The following SAMD12 variants were observed in gnomAD, a reference collection of about 807,000 sequenced individuals.
The protein encoded by SAMD12 is sterile alpha motif domain-containing protein 12.
In SAMD12, 9 loss-of-function variants were observed where a neutral mutation model predicts 15.0. That is an observed-to-expected ratio of 0.60 (90% CI 0.36 to 1.05). SAMD12 has a LOEUF of 1.05. Ranked by LOEUF, SAMD12 falls within the 50% of genes least tolerant of loss-of-function variation. The probability of loss-of-function intolerance (pLI) is 0.01; values close to 1 mark genes in which losing one functional copy is unlikely to be tolerated. For synonymous variants in SAMD12, 86 were observed against 90.1 expected (o/e 0.96, Z 0.25); for missense variants, 230 against 234.2 (o/e 0.98, Z 0.12).
chr8:118,584,174 C>T (rs1477857267), intron 1 of SAMD12, among the ~76,000 whole-genome samples: 1 of 152,190 alleles, frequency 6.6e-6, no homozygotes, highest in Non-Finnish European at 1.5e-5. Flanking sequence ...TCCTCCATAG[C>T]TGTTCCTTCC....
chr8:118,562,996 G>A (rs952926437), intron 2 of SAMD12, among the ~76,000 whole-genome samples: 1 of 152,174 alleles, frequency 6.6e-6, no homozygotes, highest in African/African-American at 2.4e-5. Context: ...TATTTGAGGA[G>A]TGAAGTGAAA....
chr8:118,342,524 T>A (rs1410846256), intron 4 of SAMD12, among the ~76,000 whole-genome samples: 2 of 152,138 alleles, frequency 1.3e-5, no homozygotes, highest in African/African-American at 4.8e-5. Flanking sequence ...CAAATTACAG[T>A]CCGATAAAGA....
At chr8:118,509,364 C>A (rs915569252) in intron 2 of SAMD12, among the ~76,000 whole-genome samples, 1 of 152,152 alleles carries the variant, frequency 6.6e-6, no homozygotes, top group Non-Finnish European at 1.5e-5. Flanking sequence ...AGACAAGGTA[C>A]AGGTGGGCCA....
chr8:118,613,341 A>C (rs1301810366), intron 1 of SAMD12, among the ~76,000 whole-genome samples: 1 of 152,224 alleles, frequency 6.6e-6, no homozygotes, highest in African/African-American at 2.4e-5. Flanking sequence ...TTTATCTTGA[A>C]AAGAGAAAGG....
chr8:118,145,121 A>G, the SAMD12 span, among the ~76,000 whole-genome samples: 2 of 152,244 alleles, frequency 1.3e-5, no homozygotes, highest in African/African-American at 4.8e-5. Context: ...AGGCATAAGC[A>G]GTAATATTTA....
rs549975490 is a variant in SAMD12 at position 118,281,966 on chromosome 8, C to T, written c.434-84234G>A. ...AGACAGGGGCTGCATCCTTCAGGTGCTTTCTGCAGAAATGAGCTCAATAAC... is the reference window on the plus strand; with the variant it reads ...AGACAGGGGCTGCATCCTTCAGGTGTTTTCTGCAGAAATGAGCTCAATAAC... On this transcript the variant is annotated intron_variant, in intron 4 of 4. Transcript: ENST00000409003. Among the ~76,000 whole-genome samples, 4 of 152,298 alleles carry T rather than the reference C, an allele frequency of 2.6e-5. No homozygotes were observed. The South Asian group carries it at 8.3e-4, about 32-fold the overall frequency.
Position 118,618,027 on chromosome 8 carries a change from TG to T in SAMD12, c.13+3776del, listed in dbSNP as rs1174482219. Among the ~76,000 whole-genome samples the T allele has an allele frequency of 3.6e-3, 226 of 62,506 alleles. 1 individual carries two copies. The highest frequency in any genetic ancestry group is 0.011 in the African/African-American group (198 of 18,596). 41.0% of individuals were successfully genotyped at this position (62,506 alleles called of 152,430 possible). A position where few individuals can be genotyped will look rare whatever the true frequency, so the allele number is the denominator to read the frequency against. On this transcript the variant is annotated intron_variant, in intron 1 of 3. Transcript: ENST00000314727. ...AAATTATTTCACAAGACATTGTTTT[TG>T]TTTTTTTTTTTTTTAAAAAAAGGCA...
chr8:118,153,889 G>C, the SAMD12 span, among the ~76,000 whole-genome samples: 1 of 151,674 alleles, frequency 6.6e-6, no homozygotes, highest in African/African-American at 2.4e-5. Flanking sequence ...TCTTCATCCC[G>C]TCATCCAATT....
At chr8:118,207,599 T>G (rs1819896775) in intron 4 of SAMD12, among the ~76,000 whole-genome samples, 1 of 152,172 alleles carries the variant, frequency 6.6e-6, no homozygotes, top group Non-Finnish European at 1.5e-5. Context: ...GTTTTCTAAT[T>G]TCTCTCATTG....
intron 3 of SAMD12, among the ~76,000 whole-genome samples, chr8:118,418,047 G>T (rs1056834538): frequency 1.3e-5 from 2 of 151,980 alleles, no homozygotes; most frequent in Non-Finnish European, 2.9e-5. Flanking sequence ...TATTCTTTCT[G>T]CCCATCATCA....
intron 4 of SAMD12, among the ~76,000 whole-genome samples, chr8:118,238,725 C>T (rs1171135976): frequency 1.3e-5 from 2 of 152,230 alleles, no homozygotes; most frequent in Admixed American, 1.3e-4. Context: ...ATAGCCTTAT[C>T]AGTATTTTGG....
At chr8:118,285,864 C>T (rs1014477425) in intron 4 of SAMD12, among the ~76,000 whole-genome samples, 3 of 152,118 alleles carry the variant, frequency 2.0e-5, no homozygotes, top group South Asian at 2.1e-4. Context: ...ACCTTTGATA[C>T]TTAGAGAAAG....
At chr8:118,606,011 A>G (rs988778175) in intron 1 of SAMD12, among the ~76,000 whole-genome samples, 6 of 152,050 alleles carry the variant, frequency 3.9e-5, no homozygotes, top group African/African-American at 1.2e-4. Flanking sequence ...TCATGCCCAG[A>G]TAATAATGTT....
At chr8:118,191,367 A>G (rs1195381454) in exon 5 of SAMD12, 1 of 152,088 alleles carries the variant, frequency 6.6e-6, no homozygotes, top group African/African-American at 2.4e-5. Flanking sequence ...GCATGAGTTT[A>G]AGCAAATAGA....
chr8:118,548,964 CA>C (rs1826228546), intron 2 of SAMD12, among the ~76,000 whole-genome samples: 1 of 152,242 alleles, frequency 6.6e-6, no homozygotes, highest in East Asian at 1.9e-4. Context: ...AGGCGGCAGC[CA>C]GGCTGGGGGA....
In SAMD12 at chr8:118,469,528, A is replaced by T. The variant is rs1373563933; in HGVS notation, c.193-29567T>A. ...TTATATAATATATAATATATATAAT[A>T]TATTATATATATTATATTATTATAT... On this transcript the variant is annotated intron_variant, in intron 2 of 3. Transcript: ENST00000314727. Among the ~76,000 whole-genome samples the T allele has an allele frequency of 2.5e-3, 3 of 1,206 alleles. 1 individual carries two copies. Among genetic ancestry groups the T allele is most frequent in the African/African-American group, 0.015 (3 of 202 alleles). 0.8% of individuals were successfully genotyped at this position (1,206 alleles called of 152,430 possible).
chr8:118,312,735 A>C (rs1815693772), intron 4 of SAMD12, among the ~76,000 whole-genome samples: 2 of 152,194 alleles, frequency 1.3e-5, no homozygotes, highest in South Asian at 2.1e-4. Context: ...GATTTTATCT[A>C]AAGTGTGCAA....
At chr8:118,448,971 A>G (rs1334778160) in intron 2 of SAMD12, among the ~76,000 whole-genome samples, 2 of 152,212 alleles carry the variant, frequency 1.3e-5, no homozygotes, top group Admixed American at 1.3e-4. Flanking sequence ...GTGTATCTTA[A>G]TATCTCCTGA....
intron 2 of SAMD12, among the ~76,000 whole-genome samples, chr8:118,568,297 G>A (rs1826904306): frequency 6.6e-6 from 1 of 152,172 alleles, no homozygotes; most frequent in African/African-American, 2.4e-5. Context: ...AAGGCTTGGA[G>A]GTGGGAAGGT....
Sources: gnomAD v4.1 joint callset for allele counts (sites outside exome capture counted in the v4.1 genomes callset) on GRCh38, gnomAD v4.1.1 for gene constraint, MANE v1.5 for transcripts, NCBI Gene and HGNC (gene_info 2026-07-23, HGNC 2026-07-21) for gene names.